PREX2: variants seen among roughly 807,000 people sequenced by gnomAD.
PREX2 encodes phosphatidylinositol 3,4,5-trisphosphate-dependent Rac exchanger 2 protein.
A neutral mutation model predicts 203.2 loss-of-function variants in PREX2; 107 were observed. The ratio of observed to expected loss-of-function variants is 0.53; its 90% confidence interval spans 0.45 to 0.62. The LOEUF is 0.62. Among genes scored for constraint, PREX2 ranks in the 20% least tolerant of loss-of-function variants. PREX2 has a pLI of 0.00. For synonymous variants in PREX2, 672 were observed against 663.6 expected, an observed-to-expected ratio of 1.01 and a Z score of -0.19; for missense variants, 1,777 against 1,955.9, an observed-to-expected ratio of 0.91 and a Z score of 1.72.
chr8:68,192,913 T>G (rs2129614702), intron 37 of PREX2, among the ~76,000 whole-genome samples: 1 of 152,352 alleles, frequency 6.6e-6, no homozygotes, highest in South Asian at 2.1e-4. Context: ...GTTCCAATCC[T>G]TACAACCCAA....
chr8:68,220,265 T>C (rs1332911951), intron 38 of PREX2: 2 of 152,184 alleles, frequency 1.3e-5, no homozygotes, highest in Non-Finnish European at 2.9e-5. Context: ...AAGGGTACTA[T>C]GTTTTCATGA....
Position 68,099,853 on chromosome 8 carries a change from C to G in PREX2, c.2715+10C>G. The G allele has an allele frequency of 6.3e-7, 1 of 1,587,572 alleles. No individual in the cohort carries two copies. Among genetic ancestry groups the G allele is most frequent in the Non-Finnish European group, 8.6e-7 (1 of 1,156,140 alleles). ...ATCCAGTTATAAAAAGGTAAGTGTTCTATTGATTTTATACACAATTATTGT... is the reference window on the plus strand; with the variant it reads ...ATCCAGTTATAAAAAGGTAAGTGTTGTATTGATTTTATACACAATTATTGT... On this transcript the variant is annotated intron_variant, in intron 23 of 39. Coordinates refer to ENST00000288368, the MANE Select transcript of PREX2 (RefSeq NM_024870.4).
At chr8:68,208,463 G>T (rs188721092) in intron 37 of PREX2, among the ~76,000 whole-genome samples, 176 of 152,072 alleles carry the variant, frequency 1.2e-3, no homozygotes, top group Middle Eastern at 3.4e-3. Context: ...AAAAATCATG[G>T]TACAGAAATT....
intron 37 of PREX2, among the ~76,000 whole-genome samples, chr8:68,199,708 C>T (rs35511871): frequency 0.019 from 2,877 of 152,230 alleles, 42 homozygotes; most frequent in Middle Eastern, 0.041. Context: ...CAGGTAACTA[C>T]CAATTAACAA....
intron 30 of PREX2, among the ~76,000 whole-genome samples, chr8:68,127,008 G>A (rs1254192888): frequency 6.6e-6 from 1 of 151,994 alleles, no homozygotes; most frequent in East Asian, 1.9e-4. Context: ...GATTACAACA[G>A]TTGTAGCTTG....
intron 1 of PREX2, among the ~76,000 whole-genome samples, chr8:67,982,258 T>C (rs1806295260): frequency 6.6e-6 from 1 of 151,944 alleles, no homozygotes; most frequent in Non-Finnish European, 1.5e-5. Flanking sequence ...ACCCTGTCTC[T>C]ATAAAAATTT....
intron 15 of PREX2, among the ~76,000 whole-genome samples, chr8:68,078,935 C>T (rs1195199936): frequency 3.3e-5 from 5 of 152,106 alleles, no homozygotes. Flanking sequence ...CTATCATGCT[C>T]CTTTTAAAAG....
At chr8:68,031,694 C>G (rs1807885919) in intron 6 of PREX2, among the ~76,000 whole-genome samples, 1 of 152,124 alleles carries the variant, frequency 6.6e-6, no homozygotes. Context: ...CCGGAGTGCC[C>G]TCATATTCAG....
At chr8:68,103,305 A>G (rs1433928351) in intron 23 of PREX2, among the ~76,000 whole-genome samples, 2 of 152,170 alleles carry the variant, frequency 1.3e-5, no homozygotes, top group Non-Finnish European at 1.5e-5. Flanking sequence ...AAAAGATTTT[A>G]TGCTTAATTG....
chr8:68,129,856 A>G (rs931871953), intron 31 of PREX2, among the ~76,000 whole-genome samples: 1 of 148,164 alleles, frequency 6.7e-6, no homozygotes, highest in African/African-American at 2.5e-5. Context: ...AAAATAAATA[A>G]TAAAAATCTT....
At chr8:68,107,493 T>G (rs546672100) in intron 23 of PREX2, among the ~76,000 whole-genome samples, 1 of 152,286 alleles carries the variant, frequency 6.6e-6, no homozygotes, top group South Asian at 2.1e-4. Context: ...GAGTATCACT[T>G]TATTCTCAAA....
chr8:68,195,808 C>T (rs115058595), intron 37 of PREX2, among the ~76,000 whole-genome samples: 2 of 152,150 alleles, frequency 1.3e-5, no homozygotes, highest in South Asian at 2.1e-4. Flanking sequence ...TAGTCAATTT[C>T]CTGCCTTTTC....
intron 1 of PREX2, among the ~76,000 whole-genome samples, chr8:67,963,834 A>G (rs554500862): frequency 1.3e-5 from 2 of 152,278 alleles, no homozygotes; most frequent in South Asian, 2.1e-4. Flanking sequence ...TGTAATCAAC[A>G]TGGCCTTTTT....
chr8:68,199,217 G>C, intron 37 of PREX2, among the ~76,000 whole-genome samples: 1 of 152,166 alleles, frequency 6.6e-6, no homozygotes, highest in East Asian at 1.9e-4. Flanking sequence ...GTGAGAGAAA[G>C]TCTGGCAAGA....
At chr8:68,105,079 C>T in intron 23 of PREX2, 1 of 1,292,480 alleles carries the variant, frequency 7.7e-7, no homozygotes, top group Non-Finnish European at 1.0e-6. Context: ...TTTGCACAAT[C>T]AGGATGTTCT....
intron 1 of PREX2, among the ~76,000 whole-genome samples, chr8:68,008,724 CTG>C (rs1467561154): frequency 1.3e-5 from 2 of 152,038 alleles, no homozygotes; most frequent in African/African-American, 2.4e-5. Context: ...CTTTTCTGTA[CTG>C]TTTTTGTGAT....
intron 23 of PREX2, chr8:68,102,992 T>G (rs767848918): frequency 1.2e-5 from 6 of 511,536 alleles, no homozygotes; most frequent in South Asian, 8.6e-5. Flanking sequence ...TGGAAACGCT[T>G]CTTTGTTTTA....
intron 1 of PREX2, among the ~76,000 whole-genome samples, chr8:67,960,055 A>AT: frequency 6.6e-6 from 1 of 151,686 alleles, no homozygotes; most frequent in East Asian, 1.9e-4. Flanking sequence ...TAATTAATTA[A>AT]TTAATTTATT....
chr8:68,124,955 A>G (rs1178411144), intron 30 of PREX2, among the ~76,000 whole-genome samples: 1 of 152,034 alleles, frequency 6.6e-6, no homozygotes, highest in Non-Finnish European at 1.5e-5. Flanking sequence ...TCTGGTTGCA[A>G]ATTTCAGTGA....
Sources: gnomAD v4.1 joint callset for allele counts (sites outside exome capture counted in the v4.1 genomes callset) on GRCh38, gnomAD v4.1.1 for gene constraint, MANE v1.5 for transcripts, NCBI Gene and HGNC (gene_info 2026-07-23, HGNC 2026-07-21) for gene names.